The following SLC6A14 variants were observed in gnomAD, a reference collection of about 807,000 sequenced individuals.
SLC6A14 encodes solute carrier family 6 member 14.
In SLC6A14, 21 loss-of-function variants were observed where a neutral mutation model predicts 51.4. The observed-to-expected ratio is 0.41, with a 90% CI of 0.29 to 0.59. The LOEUF is 0.59. Ranked by LOEUF, SLC6A14 falls within the 20% of genes least tolerant of loss-of-function variation. SLC6A14 has a pLI of 0.31. For missense variants in SLC6A14, 371 were observed against 472.8 expected (o/e 0.78, Z 2.00); for synonymous variants, 177 against 160.7 (o/e 1.10, Z -0.77).
Position 116,436,730 on chromosome X carries a change from G to C in SLC6A14, c.21G>C (p.Pro7=), listed in dbSNP as rs782655547. ...GAACCATGGACAAGTTGAAATGCCC[G>C]AGTTTCTTCAAGTGCAGGGAGAAGG... The part of the protein sequence containing the change: MDKLKC[P]SFFKCREKEK... Residue 7 remains proline (P), a synonymous_variant, in exon 1 of 14, where the codon CCG becomes CCC. Transcript: ENST00000598581. 4 of 1,165,753 alleles carry C rather than the reference G, an allele frequency of 3.4e-6. No homozygotes were observed. The South Asian group carries it at 7.6e-5, about 22-fold the overall frequency.
chrX:116,452,429 A>G (rs1927842094), intron 8 of SLC6A14, among the ~76,000 whole-genome samples: 1 of 111,749 alleles, frequency 8.9e-6, no homozygotes, highest in Non-Finnish European at 1.9e-5. Flanking sequence ...ACTTAAAACT[A>G]CTTAAAACTG....
Position 116,455,451 on chromosome X carries a change from G to T in SLC6A14, c.1599G>T (p.Thr533=). The change falls in exon 12 of 14, where the codon ACG becomes ACT. Residue 533 remains threonine (T), a synonymous_variant. Transcript: ENST00000598581. ...LWWRACWFVI[T]PILLIAIFIW... ...GGAGAGCTTGCTGGTTTGTAATTAC[G>T]CCTATCCTTTTGATTGTAAGTAATA... 8.5e-7 allele frequency: 1 copy of T among 1,176,042 alleles called. No individual in the cohort carries two copies. Among genetic ancestry groups the T allele is most frequent in the Admixed American group, 2.2e-5 (1 of 45,854 alleles).
intron 5 of SLC6A14, 93 bp from the exon 6 acceptor site, chrX:116,444,825 A>G: frequency 1.1e-6 from 1 of 926,336 alleles, no homozygotes; most frequent in Non-Finnish European, 1.5e-6. Flanking sequence ...AATATTCATG[A>G]AGCTTCGACC....
intron 7 of SLC6A14, among the ~76,000 whole-genome samples, chrX:116,450,386 T>A: frequency 9.0e-6 from 1 of 111,280 alleles, no homozygotes. Context: ...AAATGAAGTG[T>A]TTGCAAGTAG....
intron 7 of SLC6A14, 91 bp downstream of exon 7, chrX:116,446,972 G>A (rs192660797): frequency 4.1e-6 from 3 of 735,623 alleles, no homozygotes; most frequent in African/African-American, 4.2e-5. Context: ...ATATCATAAT[G>A]TAATAGCTTG....
At chrX:116,454,278 T>A (rs1556694595) in intron 9 of SLC6A14, 46 bp from the exon 10 acceptor site, 1 of 763,537 alleles carries the variant, frequency 1.3e-6, no homozygotes, top group Admixed American at 2.4e-5. Context: ...TTAACAGTAT[T>A]GGCAAATAAG....
chrX:116,437,088 G>A (rs1556693336), intron 1 of SLC6A14, among the ~76,000 whole-genome samples: 1 of 111,272 alleles, frequency 9.0e-6, no homozygotes, highest in South Asian at 3.9e-4. Context: ...CCATACCCCA[G>A]AGAAGTGAGC....
At chrX:116,448,835 A>G (rs1468949524) in intron 7 of SLC6A14, among the ~76,000 whole-genome samples, 1 of 111,845 alleles carries the variant, frequency 8.9e-6, no homozygotes, top group East Asian at 2.8e-4. Context: ...TAACATCTTT[A>G]AAAAATCAGA....
Position 116,446,739 on chromosome X carries a change from A to G in SLC6A14, c.790-2A>G. 1 of 1,197,366 alleles carries G rather than the reference A, an allele frequency of 8.4e-7. No homozygotes were observed. Among genetic ancestry groups the G allele is most frequent in the Non-Finnish European group, 1.1e-6 (1 of 883,503 alleles). On this transcript the variant is annotated splice_acceptor_variant, in intron 6 of 13. Coordinates refer to ENST00000598581, the MANE Select transcript of SLC6A14 (RefSeq NM_007231.5). LOFTEE classifies it high-confidence loss of function. ...CTAATTTTTGGTTACTTTTCTTGGTAGGTGGTATATTTTACAGCTCTTTTC... is the reference window on the plus strand; with the variant it reads ...CTAATTTTTGGTTACTTTTCTTGGTGGGTGGTATATTTTACAGCTCTTTTC...
intron 1 of SLC6A14, among the ~76,000 whole-genome samples, chrX:116,437,164 G>T (rs1380145617): frequency 1.8e-5 from 2 of 111,841 alleles, no homozygotes; most frequent in Non-Finnish European, 3.8e-5. Flanking sequence ...TTCATCTGGT[G>T]AGACAGGAGA....
intron 8 of SLC6A14, among the ~76,000 whole-genome samples, chrX:116,452,404 C>T (rs1423479970): frequency 9.0e-6 from 1 of 110,700 alleles, no homozygotes; most frequent in African/African-American, 3.3e-5. Context: ...GTTAGTCCTC[C>T]GGGAGGTCGA....
Position 116,455,971 on chromosome X carries a change from AACTT to A in SLC6A14, c.1614+508_1614+511del, listed in dbSNP as rs782734898. Among the ~76,000 whole-genome samples the A allele has an allele frequency of 1.1e-3, 123 of 111,347 alleles. 1 individual carries two copies. Among genetic ancestry groups the A allele is most frequent in the African/African-American group, 3.9e-3 (120 of 30,834 alleles). ...GTATTTGGCAGATGATAGTAAAAGA[AACTT>A]ACCTGTGTCAATAAGGGCAATGGTT... is the stretch of plus-strand genomic sequence containing the variant. On this transcript the variant is annotated intron_variant, in intron 12 of 13. Coordinates refer to ENST00000598581, the MANE Select transcript of SLC6A14 (RefSeq NM_007231.5).
chrX:116,439,735 T>A (rs1383690837), intron 2 of SLC6A14, among the ~76,000 whole-genome samples: 1 of 111,279 alleles, frequency 9.0e-6, no homozygotes. Flanking sequence ...GTTGTATTTT[T>A]TTTTTCGTAT....
At chrX:116,442,534 G>C (rs967716689) in intron 3 of SLC6A14, among the ~76,000 whole-genome samples, 153 bp from the exon 4 acceptor site, 2 of 111,908 alleles carry the variant, frequency 1.8e-5, no homozygotes, top group Non-Finnish European at 3.8e-5. Flanking sequence ...AAAAGTACTA[G>C]GATTATAGGC....
chrX:116,441,007 G>C lies in SLC6A14; in HGVS notation c.256G>C (p.Gly86Arg). The C allele has an allele frequency of 8.3e-7, 1 of 1,210,127 alleles. No individual in the cohort carries two copies. The highest frequency in any genetic ancestry group is 1.8e-5 in the South Asian group (1 of 56,924). Residue 86 changes from glycine to arginine, a missense_variant, in exon 3 of 14, where the codon GGT (glycine) becomes CGT (arginine). Physicochemically the swap from Gly to Arg is moderately radical, Grantham distance 125. Coordinates refer to ENST00000598581, the MANE Select transcript of SLC6A14 (RefSeq NM_007231.5). ...IPYAIMLALA[G>R]LPLFFLECSL... ...TTATGCAATTATGTTAGCATTGGCT[G>C]GTTTACCTTTGTTCTTTCTGGAGTG...
intron 7 of SLC6A14, among the ~76,000 whole-genome samples, chrX:116,448,179 G>A (rs1471758760): frequency 1.8e-5 from 2 of 111,852 alleles, no homozygotes; most frequent in Non-Finnish European, 3.8e-5. Flanking sequence ...TTAGCTTTTA[G>A]TTGTGGAAAT....
At position 116,453,043 on chromosome X, in the gene SLC6A14, C is replaced by G. The variant is rs369615885; in HGVS notation, c.1186C>G (p.Pro396Ala). 2.5e-6 allele frequency: 3 copies of G among 1,194,836 alleles called. No individual in the cohort carries two copies. The African/African-American group carries it at 5.3e-5, about 21-fold the overall frequency. Residue 396 changes from proline (P) to alanine (A), a missense_variant, in exon 9 of 14, where the codon CCA (proline) becomes GCA (alanine). Around this residue, in one of 2 missense-constraint regions of SLC6A14, gnomAD observed 277 missense variants for 391.8 expected, o/e 0.71. Coordinates refer to ENST00000598581, the MANE Select transcript of SLC6A14 (RefSeq NM_007231.5). ...TTTTGATTTGGCATTCATTGCCTAT[C>G]CAGAGGCTCTAGCCCAACTCCCAGG... ...SGFDLAFIAY[P>A]EALAQLPGGP... is the part of the protein sequence containing the mutation.
intron 13 of SLC6A14, among the ~76,000 whole-genome samples, chrX:116,458,364 A>G: frequency 9.0e-6 from 1 of 111,395 alleles, no homozygotes; most frequent in African/African-American, 3.3e-5. Context: ...CCATACAACA[A>G]TGGATCCAAA....
chrX:116,446,071 T>G lies in SLC6A14; in HGVS notation c.790-670T>G, dbSNP rs782124964. 4.0e-5 allele frequency among the ~76,000 whole-genome samples: 4 copies of G among 99,684 alleles called. No homozygotes were observed. The Admixed American group carries it at 4.6e-4, about 11-fold the overall frequency. 86.6% of individuals were successfully genotyped at this position (99,684 alleles called of 115,157 possible). ...TTTATTGGTCTCTGAATGACTTGTTTAAACCATTTCCTTGGATGTATTATA... is the reference window on the plus strand; with the variant it reads ...TTTATTGGTCTCTGAATGACTTGTTGAAACCATTTCCTTGGATGTATTATA... On this transcript the variant is annotated intron_variant, in intron 6 of 13. Transcript: ENST00000598581.
Sources: allele counts gnomAD v4.1 joint callset (sites outside exome capture counted in the v4.1 genomes callset), GRCh38; gene constraint gnomAD v4.1.1; regional missense constraint gnomAD v4.1.1; transcripts MANE v1.5; gene names NCBI Gene and HGNC (gene_info 2026-07-23, HGNC 2026-07-21).